The following ADAMTS18 variants were observed in gnomAD, a reference collection of about 807,000 sequenced individuals.
ADAMTS18 encodes A disintegrin and metalloproteinase with thrombospondin motifs 18.
Under a neutral mutation model 165.9 loss-of-function variants are expected in ADAMTS18, and 157 were observed. That is an observed-to-expected ratio of 0.95 (90% CI 0.83 to 1.08). The LOEUF (loss-of-function observed/expected upper bound fraction) is 1.08. ADAMTS18 is among the 50% of genes least tolerant of loss of function. The probability of loss-of-function intolerance (pLI) is 0.00; values close to 1 mark genes in which losing one functional copy is unlikely to be tolerated. For synonymous variants in ADAMTS18, 782 were observed against 578.2 expected (o/e 1.35, Z -5.06); for missense variants, 2,040 against 1,534.0 (o/e 1.33, Z -5.51).
chr16:77,312,304 T>C (rs1485445648), intron 16 of ADAMTS18, among the ~76,000 whole-genome samples: 1 of 152,154 alleles, frequency 6.6e-6, no homozygotes, highest in East Asian at 1.9e-4. Flanking sequence ...TGGCACGGTC[T>C]TGGCTCACCG....
At chr16:77,387,745 C>T (rs2057129498) in intron 3 of ADAMTS18, among the ~76,000 whole-genome samples, 1 of 152,202 alleles carries the variant, frequency 6.6e-6, no homozygotes, top group South Asian at 2.1e-4. Context: ...CCAACCATAG[C>T]TAAGATAACA....
intron 11 of ADAMTS18, among the ~76,000 whole-genome samples, chr16:77,341,421 G>A (rs2144687283): frequency 6.6e-6 from 1 of 152,102 alleles, no homozygotes; most frequent in African/African-American, 2.4e-5. Flanking sequence ...AAAATGGTAT[G>A]CAATGAAACC....
chr16:77,382,448 G>A (rs1015322064), intron 3 of ADAMTS18, among the ~76,000 whole-genome samples: 3 of 152,184 alleles, frequency 2.0e-5, no homozygotes, highest in Admixed American at 6.5e-5. Flanking sequence ...CTGACCTCGT[G>A]ATCCGCCCCT....
At chr16:77,396,152 T>A (rs1306179889) in intron 3 of ADAMTS18, among the ~76,000 whole-genome samples, 1 of 152,182 alleles carries the variant, frequency 6.6e-6, no homozygotes, top group African/African-American at 2.4e-5. Context: ...TGTTACTAAA[T>A]CATAATCTAT....
Position 77,325,028 on chromosome 16 carries a change from C to T in ADAMTS18, c.2032+838G>A, listed in dbSNP as rs368182166. ...GGAGGCTCTACTTGTTATAGTGATG[C>T]CTGTAATTATATTAGCTTCCTTTAT... On this transcript the variant is annotated intron_variant, in intron 13 of 22. Coordinates refer to ENST00000282849, the MANE Select transcript of ADAMTS18 (RefSeq NM_199355.4). Among the ~76,000 whole-genome samples, 39 of 152,302 alleles carry T rather than the reference C, an allele frequency of 2.6e-4. No homozygotes were observed. The South Asian group carries it at 8.1e-3, about 32-fold the overall frequency.
intron 17 of ADAMTS18, among the ~76,000 whole-genome samples, chr16:77,299,703 T>C (rs2055543961): frequency 6.6e-6 from 1 of 152,240 alleles, no homozygotes; most frequent in Non-Finnish European, 1.5e-5. Flanking sequence ...GCCTTCCTTC[T>C]ACTCACCCAG....
intron 10 of ADAMTS18, among the ~76,000 whole-genome samples, chr16:77,353,352 G>T (rs757900246): frequency 3.3e-5 from 5 of 152,184 alleles, no homozygotes; most frequent in Non-Finnish European, 7.4e-5. Context: ...ATTATAAAAG[G>T]CATATAATGT....
chr16:77,391,316 A>G (rs1458316283), intron 3 of ADAMTS18, among the ~76,000 whole-genome samples: 1 of 152,154 alleles, frequency 6.6e-6, no homozygotes, highest in Non-Finnish European at 1.5e-5. Context: ...CAAACTGGCC[A>G]ACATGGTGAA....
At chr16:77,396,435 C>G (rs1186210058) in intron 3 of ADAMTS18, among the ~76,000 whole-genome samples, 1 of 152,152 alleles carries the variant, frequency 6.6e-6, no homozygotes, top group African/African-American at 2.4e-5. Flanking sequence ...TTAAAAATAA[C>G]TATTTCCAGA....
rs2056400863 is a variant in ADAMTS18, at chr16:77,341,748, T to C, written c.1666A>G (p.Lys556Glu). Reference sequence around the variant, plus strand: ...GTCCCTTCTGCTGCGGGCATAAACTTGGTCTCACACCTGTGGCCTACTCGG... The same window carrying C: ...GTCCCTTCTGCTGCGGGCATAAACTCGGTCTCACACCTGTGGCCTACTCGG... ...CHRVGHRCET[K>E]FMPAAEGTVC... Residue 556 changes from lysine to glutamate, a missense_variant, in exon 11 of 23, where the codon AAG (lysine) becomes GAG (glutamate). By Grantham distance (56) the Lys-to-Glu change is moderately conservative (BLOSUM62 1). Coordinates refer to ENST00000282849, the MANE Select transcript of ADAMTS18 (RefSeq NM_199355.4). 6 of 1,613,810 alleles carry C rather than the reference T, an allele frequency of 3.7e-6. No homozygotes were observed. The highest frequency in any genetic ancestry group is 5.1e-6 in the Non-Finnish European group (6 of 1,179,874).
chr16:77,400,335 T>A (rs1359963770), intron 3 of ADAMTS18, among the ~76,000 whole-genome samples: 1 of 151,976 alleles, frequency 6.6e-6, no homozygotes, highest in Non-Finnish European at 1.5e-5. Flanking sequence ...CCTCCAGCCA[T>A]CCTTTGGGGA....
At chr16:77,284,292 A>G (rs1307093013) in intron 22 of ADAMTS18, among the ~76,000 whole-genome samples, 1 of 151,772 alleles carries the variant, frequency 6.6e-6, no homozygotes, top group East Asian at 2.0e-4. Flanking sequence ...AGCCCAGCTA[A>G]TTTTTGTATT....
chr16:77,336,542 G>C (rs1012157323), intron 11 of ADAMTS18, among the ~76,000 whole-genome samples: 4 of 151,998 alleles, frequency 2.6e-5, no homozygotes, highest in African/African-American at 9.7e-5. Context: ...TTTTTCCTTT[G>C]TCTACATAAA....
intron 3 of ADAMTS18, among the ~76,000 whole-genome samples, chr16:77,409,404 G>A (rs1390772594): frequency 6.6e-6 from 1 of 152,100 alleles, no homozygotes. Flanking sequence ...CTGCATTAGT[G>A]TCAAAAGTAG....
At chr16:77,365,567 G>A (rs996845607) in intron 4 of ADAMTS18, among the ~76,000 whole-genome samples, 5 of 152,136 alleles carry the variant, frequency 3.3e-5, no homozygotes, top group Non-Finnish European at 4.4e-5. Flanking sequence ...CAAAGGGTGC[G>A]CACCAAGTTA....
At chr16:77,289,827 A>T (rs1431785415) in intron 21 of ADAMTS18, among the ~76,000 whole-genome samples, 1 of 152,194 alleles carries the variant, frequency 6.6e-6, no homozygotes, top group Admixed American at 6.5e-5. Context: ...CAGAAAAAGA[A>T]ATGGTCAGAG....
Position 77,289,352 on chromosome 16 carries a change from G to A in ADAMTS18, c.3462C>T (p.Gly1154=). ...GGAGCAGACAACTTGAGGAAGGCCG[G>A]CCTTGCTGAACACAGTGGACTGACC... ...QTRSVHCVQQ[G]RPSSSCLLHQ... Residue 1154 remains glycine, a synonymous_variant, in exon 22 of 23, where the codon GGC becomes GGT. Coordinates refer to ENST00000282849, the MANE Select transcript of ADAMTS18 (RefSeq NM_199355.4). 1 of 1,614,142 alleles carries A rather than the reference G, an allele frequency of 6.2e-7. No homozygotes were observed. The highest frequency in any genetic ancestry group is 1.1e-5 in the South Asian group (1 of 91,080).
rs1454979914 is a variant in ADAMTS18 at position 77,362,245 on chromosome 16, T to C, written c.1076A>G (p.His359Arg). The C allele has an allele frequency of 3.1e-6, 5 of 1,614,062 alleles. No homozygotes were observed. Among genetic ancestry groups the C allele is most frequent in the Middle Eastern group, 1.6e-4 (1 of 6,084 alleles). ...EQEPGGLLINHHADQSLNSFC... is the reference protein window; with the variant it reads ...EQEPGGLLINRHADQSLNSFC... ...ACTATTCAGAGACTGGTCTGCATGA[T>C]GGTTGATCAATAATCCTCCCTATGG... The change falls in exon 7 of 23, where the codon CAT (histidine) becomes CGT (arginine). Residue 359 changes from histidine to arginine, a missense_variant. His to Arg is a conservative substitution (Grantham distance 29). Transcript: ENST00000282849.
chr16:77,416,672 CTTGGGTAAT>C (rs1337454702), intron 3 of ADAMTS18, among the ~76,000 whole-genome samples: 1 of 152,128 alleles, frequency 6.6e-6, no homozygotes, highest in Non-Finnish European at 1.5e-5. Flanking sequence ...ATTACCCAGT[CTTGGGTAAT>C]TTGTCTATTA....
Sources: gnomAD v4.1 joint callset for allele counts (sites outside exome capture counted in the v4.1 genomes callset) on GRCh38, gnomAD v4.1.1 for gene constraint, MANE v1.5 for transcripts, NCBI Gene and HGNC (gene_info 2026-07-23, HGNC 2026-07-21) for gene names.